Variants in VAV3 observed in about 807,000 individuals in gnomAD.
The protein encoded by VAV3 is guanine nucleotide exchange factor VAV3.
A neutral mutation model predicts 131.2 loss-of-function variants in VAV3; 94 were observed. The ratio of observed to expected loss-of-function variants is 0.72; its 90% CI spans 0.61 to 0.85. The LOEUF (loss-of-function observed/expected upper bound fraction) is 0.85. Among genes scored for constraint, VAV3 ranks in the 40% least tolerant of loss-of-function variants. The pLI, the probability that VAV3 is intolerant of heterozygous loss-of-function variation, is 0.00. For synonymous variants in VAV3, 349 were observed against 342.0 expected, an observed-to-expected ratio of 1.02 and a Z score of -0.22; for missense variants, 939 against 1,002.7, an observed-to-expected ratio of 0.94 and a Z score of 0.86.
intron 19 of VAV3, among the ~76,000 whole-genome samples, chr1:107,665,697 C>CTGTTGTG (rs1657360874): frequency 6.6e-6 from 1 of 152,174 alleles, no homozygotes; most frequent in Non-Finnish European, 1.5e-5. Context: ...ACAGCCATCC[C>CTGTTGTG]TGCTGAGGGC....
At chr1:107,791,971 C>T (rs574757196) in intron 2 of VAV3, among the ~76,000 whole-genome samples, 1 of 152,306 alleles carries the variant, frequency 6.6e-6, no homozygotes, top group African/African-American at 2.4e-5. Context: ...ACCCAGCTTT[C>T]AATATTCAGA....
At chr1:107,862,983 A>T (rs1387372728) in intron 2 of VAV3, among the ~76,000 whole-genome samples, 1 of 152,218 alleles carries the variant, frequency 6.6e-6, no homozygotes, top group Non-Finnish European at 1.5e-5. Flanking sequence ...CATCAAAAAA[A>T]GGAACAAAGG....
chr1:107,619,683 CT>C (rs1299837369), intron 20 of VAV3, among the ~76,000 whole-genome samples: 1 of 152,134 alleles, frequency 6.6e-6, no homozygotes, highest in East Asian at 1.9e-4. Context: ...CTGTAATGGT[CT>C]TTCCAAAGTG....
At chr1:107,756,829 T>C (rs1168009392) in intron 11 of VAV3, among the ~76,000 whole-genome samples, 1 of 152,074 alleles carries the variant, frequency 6.6e-6, no homozygotes, top group African/African-American at 2.4e-5. Context: ...ATAAGTTACA[T>C]GGGGTTCTGA....
chr1:107,796,185 C>A (rs1666528004), intron 2 of VAV3, among the ~76,000 whole-genome samples: 1 of 152,164 alleles, frequency 6.6e-6, no homozygotes, highest in South Asian at 2.1e-4. Flanking sequence ...TGAGACTGCA[C>A]AGAGTTTCTA....
At chr1:107,723,785 G>A (rs1258878544) in intron 15 of VAV3, among the ~76,000 whole-genome samples, 7 of 151,994 alleles carry the variant, frequency 4.6e-5, no homozygotes, top group Admixed American at 3.9e-4. Flanking sequence ...TGGTGGTACC[G>A]TTGTTTTTCC....
intron 1 of VAV3, among the ~76,000 whole-genome samples, chr1:107,919,950 G>T (rs1672815105): frequency 1.3e-5 from 2 of 152,150 alleles, no homozygotes; most frequent in Admixed American, 1.3e-4. Flanking sequence ...TTCATCAGTT[G>T]AGGTGACTTT....
Position 107,584,210 on chromosome 1 carries a change from GA to G in VAV3, c.2351-10013del, listed in dbSNP as rs1445368841. ...TGGGAAAACTGGCTAGCCATATGTAGAAAGCTGAAACTGGATCCCTTCCTTA... is the reference window on the plus strand; with the variant it reads ...TGGGAAAACTGGCTAGCCATATGTAGAAGCTGAAACTGGATCCCTTCCTTA... On this transcript the variant is annotated intron_variant, in intron 25 of 26. Coordinates refer to ENST00000370056, the MANE Select transcript of VAV3 (RefSeq NM_006113.5). 2.6e-5 allele frequency among the ~76,000 whole-genome samples: 4 copies of G among 152,300 alleles called. No individual in the cohort carries two copies. In the East Asian group the frequency reaches 7.7e-4, roughly 29 times the overall value.
chr1:107,641,123 T>C (rs1039412222), intron 20 of VAV3, among the ~76,000 whole-genome samples: 1 of 152,148 alleles, frequency 6.6e-6, no homozygotes, highest in Non-Finnish European at 1.5e-5. Flanking sequence ...GGATGAAGTT[T>C]GGAAGGAGTG....
chr1:107,767,933 T>C (rs1664823650), intron 7 of VAV3, among the ~76,000 whole-genome samples: 1 of 152,186 alleles, frequency 6.6e-6, no homozygotes, highest in South Asian at 2.1e-4. Flanking sequence ...ATTAAAATAG[T>C]CTGGTAAATC....
At chr1:107,774,922 T>TTGTTTG (rs1553205986) in intron 4 of VAV3, among the ~76,000 whole-genome samples, 5 of 151,740 alleles carry the variant, frequency 3.3e-5, no homozygotes, top group Admixed American at 2.0e-4. Flanking sequence ...GCTTTTTTTT[T>TTGTTTG]TTTTTTAAGA....
intron 1 of VAV3, among the ~76,000 whole-genome samples, chr1:107,899,938 A>C (rs1199972071): frequency 6.6e-6 from 1 of 152,156 alleles, no homozygotes; most frequent in Non-Finnish European, 1.5e-5. Context: ...TGACCCCTTC[A>C]AGAATCTCCT....
chr1:107,576,987 G>T (rs1401366872), intron 25 of VAV3, among the ~76,000 whole-genome samples: 1 of 151,014 alleles, frequency 6.6e-6, no homozygotes, highest in Non-Finnish European at 1.5e-5. Flanking sequence ...AGTGCAGTTA[G>T]AAATGAAAAC....
chr1:107,751,225 CAG>C (rs760811729), intron 12 of VAV3, 23 bp from the exon 13 acceptor site: 4 of 1,565,554 alleles, frequency 2.6e-6, no homozygotes, highest in Non-Finnish European at 3.5e-6. Context: ...ATGCACATGT[CAG>C]AGTTTTTCAT....
rs1649372651 is a variant in VAV3 at position 107,573,202 on chromosome 1, A to G, written c.*129T>C. 2.6e-5 allele frequency: 25 copies of G among 963,904 alleles called. No individual in the cohort carries two copies. The East Asian group carries it at 6.1e-4, about 24-fold the overall frequency. 59.7% of individuals were successfully genotyped at this position (963,904 alleles called of 1,614,324 possible). A position where few individuals can be genotyped will look rare whatever the true frequency, so the allele number is the denominator to read the frequency against. On this transcript the variant is annotated 3_prime_UTR_variant, in exon 27 of 27. Transcript: ENST00000370056. ...CAGCATTAAGACTTAGGAGGGGCTAAGGAGGGAGGATGTTGAACAGCCAGA... is the reference window on the plus strand; with the variant it reads ...CAGCATTAAGACTTAGGAGGGGCTAGGGAGGGAGGATGTTGAACAGCCAGA...
intron 1 of VAV3, among the ~76,000 whole-genome samples, chr1:107,895,082 G>A (rs1456602106): frequency 6.6e-6 from 1 of 152,074 alleles, no homozygotes; most frequent in Admixed American, 6.5e-5. Flanking sequence ...TCAAGAGGAA[G>A]GGACTGAGTT....
intron 15 of VAV3, among the ~76,000 whole-genome samples, chr1:107,737,028 T>C (rs953015902): frequency 4.5e-4 from 68 of 152,096 alleles, no homozygotes; most frequent in East Asian, 2.7e-3. Flanking sequence ...TGGAACAGAA[T>C]AGAGGCCTCA....
intron 1 of VAV3, among the ~76,000 whole-genome samples, chr1:107,904,300 G>A (rs376473172): frequency 6.6e-6 from 1 of 152,168 alleles, no homozygotes; most frequent in Non-Finnish European, 1.5e-5. Context: ...GTATACGTAT[G>A]ATGTGACTGA....
chr1:107,722,116 T>G (rs1026334228), intron 15 of VAV3, among the ~76,000 whole-genome samples: 1 of 152,210 alleles, frequency 6.6e-6, no homozygotes, highest in Non-Finnish European at 1.5e-5. Flanking sequence ...ACATATTTTC[T>G]GCAGAGTCAG....
Sources: allele counts gnomAD v4.1 joint callset (sites outside exome capture counted in the v4.1 genomes callset), GRCh38; gene constraint gnomAD v4.1.1; transcripts MANE v1.5; gene names NCBI Gene and HGNC (gene_info 2026-07-23, HGNC 2026-07-21).